Variants in FOXN2 observed in about 807,000 individuals in gnomAD.
FOXN2 encodes the protein forkhead box protein N2.
A neutral mutation model predicts 41.2 loss-of-function variants in FOXN2; 19 were observed. The observed-to-expected ratio is 0.46, with a 90% confidence interval of 0.32 to 0.68. The LOEUF (loss-of-function observed/expected upper bound fraction) is 0.68, where lower values mean the gene tolerates loss of function less well. Ranked by LOEUF, FOXN2 falls within the 30% of genes least tolerant of loss-of-function variation. The pLI, the probability that FOXN2 is intolerant of heterozygous loss-of-function variation, is 0.03. For synonymous variants in FOXN2, 195 were observed against 176.8 expected, an observed-to-expected ratio of 1.10 and a Z score of -0.82; for missense variants, 587 against 509.4, an observed-to-expected ratio of 1.15 and a Z score of -1.47.
At chr2:48,358,257 C>A (rs1558633705) in intron 3 of FOXN2, among the ~76,000 whole-genome samples, 1 of 152,052 alleles carries the variant, frequency 6.6e-6, no homozygotes, top group Non-Finnish European at 1.5e-5. Context: ...TGCAGCAACC[C>A]TTACGTACGT....
chr2:48,315,219 G>T (rs1386242133), intron 1 of FOXN2, among the ~76,000 whole-genome samples: 1 of 152,146 alleles, frequency 6.6e-6, no homozygotes, highest in Non-Finnish European at 1.5e-5. Flanking sequence ...TGCTGTTAGG[G>T]AAGTACCCCA....
chr2:48,367,216 A>G (rs17325488), intron 5 of FOXN2, among the ~76,000 whole-genome samples: 30,086 of 152,128 alleles, frequency 0.2, 3,269 homozygotes, highest in South Asian at 0.27. Context: ...TTTTTGGTCA[A>G]TAGTTTGGTT....
chr2:48,353,552 C>CTGTGTGTG (rs57528113), intron 3 of FOXN2, among the ~76,000 whole-genome samples: 27 of 128,916 alleles, frequency 2.1e-4, no homozygotes, highest in African/African-American at 3.2e-4. Flanking sequence ...TCACTTAAGA[C>CTGTGTGTG]TGTGTGTGTG....
chr2:48,373,427 A>G, intron 6 of FOXN2, 67 bp downstream of exon 6: 1 of 908,980 alleles, frequency 1.1e-6, no homozygotes, highest in South Asian at 1.5e-5. Flanking sequence ...AGACTATAAA[A>G]TAACTATTAC....
chr2:48,349,416 T>C (rs1671311769), intron 3 of FOXN2, among the ~76,000 whole-genome samples: 1 of 152,090 alleles, frequency 6.6e-6, no homozygotes, highest in Admixed American at 6.6e-5. Flanking sequence ...CCTCGGAGGT[T>C]GCAGTGGGCC....
intron 6 of FOXN2, among the ~76,000 whole-genome samples, chr2:48,374,634 G>A (rs1189327071): frequency 1.3e-5 from 2 of 152,158 alleles, no homozygotes; most frequent in Non-Finnish European, 2.9e-5. Context: ...TATTAACACG[G>A]AAGTGATTAG....
chr2:48,361,112 C>T (rs919756280), intron 4 of FOXN2, among the ~76,000 whole-genome samples: 2 of 151,752 alleles, frequency 1.3e-5, no homozygotes, highest in African/African-American at 4.8e-5. Flanking sequence ...TTTCATGTTT[C>T]TATCTTTTAG....
chr2:48,342,425 A>G (rs998380713), intron 2 of FOXN2, among the ~76,000 whole-genome samples: 14 of 152,136 alleles, frequency 9.2e-5, no homozygotes, highest in African/African-American at 3.4e-4. Context: ...ACATAAGATT[A>G]TTTCACAAAA....
At chr2:48,370,328 ATTGGAGAGGTCATTGTT>A (rs56014398) in intron 5 of FOXN2, among the ~76,000 whole-genome samples, 2,074 of 152,330 alleles carry the variant, frequency 0.014, 26 homozygotes, top group Middle Eastern at 0.044. Context: ...AAAGACAGGA[ATTGGAGAGGTCATTGTT>A]TTTGCTAGCC....
chr2:48,366,281 C>G (rs1011638134), intron 5 of FOXN2, among the ~76,000 whole-genome samples: 1 of 150,638 alleles, frequency 6.6e-6, no homozygotes, highest in Non-Finnish European at 1.5e-5. Flanking sequence ...ATCACTTGAA[C>G]TTGGGAGGTG....
intron 1 of FOXN2, 46 bp downstream of exon 1, chr2:48,314,860 C>A (rs1410747065): frequency 6.6e-6 from 1 of 151,868 alleles, no homozygotes; most frequent in Non-Finnish European, 1.5e-5. Context: ...GCGCTCCCCG[C>A]CCCAGCCCGC....
chr2:48,366,540 C>G (rs905567141), intron 5 of FOXN2, among the ~76,000 whole-genome samples: 1 of 151,984 alleles, frequency 6.6e-6, no homozygotes, highest in Admixed American at 6.6e-5. Flanking sequence ...TGGTCATTTG[C>G]GTGGGCAAGG....
intron 2 of FOXN2, among the ~76,000 whole-genome samples, chr2:48,331,111 A>T (rs1345761285): frequency 7.9e-5 from 12 of 152,172 alleles, no homozygotes; most frequent in Non-Finnish European, 5.9e-5. Flanking sequence ...CAAAGAGGTA[A>T]TAAGGAAAGA....
chr2:48,345,855 A>G (rs1460259607), intron 2 of FOXN2, among the ~76,000 whole-genome samples: 1 of 152,178 alleles, frequency 6.6e-6, no homozygotes, highest in Non-Finnish European at 1.5e-5. Flanking sequence ...GTTCAAAGAA[A>G]TAGCCTGTCC....
rs192632568 is a variant in FOXN2 at position 48,357,760 on chromosome 2, C to T, written c.538-1287C>T. On this transcript the variant is annotated intron_variant, in intron 3 of 6. Transcript: ENST00000340553. ...CTGGTGCTAACATTTTTTTCCTTGT[C>T]ATCAAAACACATTTATCATTTGGTC... Among the ~76,000 whole-genome samples, 71 of 149,486 alleles carry T rather than the reference C, an allele frequency of 4.7e-4. 1 individual carries two copies. Among genetic ancestry groups the T allele is most frequent in the African/African-American group, 1.7e-3 (68 of 40,634 alleles).
intron 5 of FOXN2, among the ~76,000 whole-genome samples, chr2:48,364,659 G>A (rs1672416497): frequency 6.6e-6 from 1 of 152,222 alleles, no homozygotes; most frequent in South Asian, 2.1e-4. Flanking sequence ...ACTAGAAAAG[G>A]GGTTGGCAAA....
chr2:48,351,136 A>G (rs1671419694), intron 3 of FOXN2, among the ~76,000 whole-genome samples: 1 of 151,654 alleles, frequency 6.6e-6, no homozygotes, highest in South Asian at 2.1e-4. Flanking sequence ...AATTTTTTCT[A>G]ATTTTAGTAG....
intron 4 of FOXN2, among the ~76,000 whole-genome samples, chr2:48,360,790 G>GTT (rs757595172): frequency 1.4e-4 from 19 of 136,618 alleles, no homozygotes; most frequent in African/African-American, 4.0e-4. Flanking sequence ...GCTGTGTTGG[G>GTT]TTTTTTTTTT....
At chr2:48,351,011 G>A (rs1671412000) in intron 3 of FOXN2, among the ~76,000 whole-genome samples, 1 of 152,012 alleles carries the variant, frequency 6.6e-6, no homozygotes, top group African/African-American at 2.4e-5. Flanking sequence ...TGTCATCCAG[G>A]CTGGAGTGCA....
Sources: allele counts gnomAD v4.1 joint callset (sites outside exome capture counted in the v4.1 genomes callset), GRCh38; gene constraint gnomAD v4.1.1; transcripts MANE v1.5; gene names NCBI Gene and HGNC (gene_info 2026-07-23, HGNC 2026-07-21).